SDK1: variants seen among roughly 807,000 people sequenced by gnomAD.
SDK1 encodes the protein protein sidekick-1.
In SDK1, 157 loss-of-function variants were observed where a neutral mutation model predicts 245.5. That is an observed-to-expected ratio of 0.64 (90% confidence interval 0.56 to 0.73). The LOEUF is 0.73. SDK1 is among the 30% of genes least tolerant of loss of function. The pLI is 0.00. For synonymous variants in SDK1, 1,647 were observed against 1,278.5 expected (o/e 1.29, Z -6.15); for missense variants, 3,583 against 3,002.3 (o/e 1.19, Z -4.52).
intron 1 of SDK1, among the ~76,000 whole-genome samples, chr7:3,555,150 C>G (rs1362741195): frequency 6.6e-6 from 1 of 152,042 alleles, no homozygotes; most frequent in Non-Finnish European, 1.5e-5. Flanking sequence ...AAGAACATAA[C>G]TTGAGGAGTC....
At chr7:4,037,795 C>A (rs1004126486) in intron 17 of SDK1, among the ~76,000 whole-genome samples, 41 of 152,336 alleles carry the variant, frequency 2.7e-4, no homozygotes, top group African/African-American at 8.9e-4. Flanking sequence ...TAGAGACCTT[C>A]TCTGCGAATA....
rs114416369 is a variant in SDK1, at chr7:3,793,244, A to G, written c.714-28206A>G. On this transcript the variant is annotated intron_variant, in intron 4 of 44. Transcript: ENST00000404826. ...TTCTAAATTTGAAGGCAAATTTCCA[A>G]TATTAAAAGATCCTGTCAATGATTC... is the stretch of plus-strand genomic sequence containing the variant. 5.8e-3 allele frequency among the ~76,000 whole-genome samples: 881 copies of G among 152,290 alleles called. 7 individuals are homozygous for G. Among genetic ancestry groups the G allele is most frequent in the African/African-American group, 0.02 (822 of 41,568 alleles).
intron 44 of SDK1, among the ~76,000 whole-genome samples, chr7:4,255,914 C>CTTTTTT (rs34810935): frequency 1.2e-4 from 12 of 104,090 alleles, no homozygotes; most frequent in African/African-American, 2.6e-4. Context: ...TTTCCAAATA[C>CTTTTTT]TTTTTTTTTT....
rs190139987 is a variant in SDK1 at position 3,588,292 on chromosome 7, T to G, written c.299-30788T>G. Among the ~76,000 whole-genome samples, 29 of 152,354 alleles carry G rather than the reference T, an allele frequency of 1.9e-4. No individual in the cohort carries two copies. The East Asian group carries it at 5.0e-3, about 26-fold the overall frequency. Reference sequence around the variant, plus strand: ...AACATCAGATTAATAACGTTATATTTTCAGAAGCATTTATTTTTAGTCTGC... The same window carrying G: ...AACATCAGATTAATAACGTTATATTGTCAGAAGCATTTATTTTTAGTCTGC... On this transcript the variant is annotated intron_variant, in intron 1 of 44. Coordinates refer to ENST00000404826, the MANE Select transcript of SDK1 (RefSeq NM_152744.4).
At chr7:3,429,047 C>T (rs1779755153) in intron 1 of SDK1, among the ~76,000 whole-genome samples, 2 of 152,172 alleles carry the variant, frequency 1.3e-5, no homozygotes, top group South Asian at 4.2e-4. Context: ...ATTCATCTGG[C>T]CGGCTGGTAG....
At chr7:4,209,165 G>C (rs186910044) in intron 37 of SDK1, among the ~76,000 whole-genome samples, 1 of 152,198 alleles carries the variant, frequency 6.6e-6, no homozygotes, top group Non-Finnish European at 1.5e-5. Flanking sequence ...TCCAGTGCCC[G>C]CATCTGAGCT....
intron 22 of SDK1, among the ~76,000 whole-genome samples, chr7:4,098,394 G>A (rs1054147044): frequency 2.0e-5 from 3 of 152,092 alleles, no homozygotes; most frequent in East Asian, 1.9e-4. Context: ...TCCCTGCTCC[G>A]ATTCCTTCAT....
At chr7:3,504,325 C>A (rs1043913686) in intron 1 of SDK1, among the ~76,000 whole-genome samples, 2 of 151,370 alleles carry the variant, frequency 1.3e-5, no homozygotes, top group African/African-American at 4.9e-5. Flanking sequence ...TAAAACCACA[C>A]AGTGATAATA....
In SDK1 at chr7:3,821,582, A is replaced by G; in HGVS notation, c.846A>G (p.Ala282=). Residue 282 remains alanine, a splice_region_variant and synonymous_variant, in exon 5 of 45, where the codon GCA becomes GCG. Coordinates refer to ENST00000404826, the MANE Select transcript of SDK1 (RefSeq NM_152744.4). The part of the protein sequence containing the change: ...KTSPFIHLSI[A]RDVGTPETMA... ...GCCCATTCATTCATTTGAGCATAGC[A>G]AGTGAGTTTTGAAATCCCAAATGGT... The G allele has an allele frequency of 6.2e-7, 1 of 1,612,282 alleles. No individual in the cohort carries two copies.
chr7:4,102,800 G>A (rs957903893), intron 22 of SDK1, among the ~76,000 whole-genome samples: 30 of 152,256 alleles, frequency 2.0e-4, no homozygotes, highest in African/African-American at 5.3e-4. Flanking sequence ...CTGGGGCTGC[G>A]TGGCGGGCGG....
intron 4 of SDK1, among the ~76,000 whole-genome samples, chr7:3,687,023 C>G (rs981166674): frequency 4.2e-5 from 6 of 143,338 alleles, no homozygotes; most frequent in Non-Finnish European, 7.4e-5. Flanking sequence ...GGCTTCTAGC[C>G]AGAATCTCCA....
intron 4 of SDK1, among the ~76,000 whole-genome samples, chr7:3,742,564 A>G (rs548508068): frequency 2.5e-4 from 38 of 152,302 alleles, no homozygotes; most frequent in African/African-American, 9.1e-4. Flanking sequence ...CTAGAAGTTC[A>G]AAGTCCATTT....
chr7:3,798,054 T>G (rs1406289152), intron 4 of SDK1, among the ~76,000 whole-genome samples: 1 of 152,120 alleles, frequency 6.6e-6, no homozygotes, highest in Non-Finnish European at 1.5e-5. Context: ...AAATTTTCAT[T>G]GGTACAGTAC....
At chr7:3,938,105 G>A (rs1780224008) in intron 5 of SDK1, among the ~76,000 whole-genome samples, 1 of 152,130 alleles carries the variant, frequency 6.6e-6, no homozygotes, top group Non-Finnish European at 1.5e-5. Context: ...CCAAAGTGCT[G>A]GGATTACAGG....
At chr7:3,779,312 T>A (rs1780654754) in intron 4 of SDK1, among the ~76,000 whole-genome samples, 1 of 152,142 alleles carries the variant, frequency 6.6e-6, no homozygotes, top group Non-Finnish European at 1.5e-5. Context: ...TAAATCCCCA[T>A]TCTTGAGTGG....
intron 1 of SDK1, among the ~76,000 whole-genome samples, chr7:3,388,436 T>A (rs1312665743): frequency 1.3e-5 from 2 of 152,070 alleles, no homozygotes; most frequent in Non-Finnish European, 2.9e-5. Flanking sequence ...GGTCTCATTT[T>A]GTTGCCCAGA....
intron 1 of SDK1, among the ~76,000 whole-genome samples, chr7:3,399,825 G>T (rs990995979): frequency 6.6e-6 from 1 of 152,066 alleles, no homozygotes; most frequent in Non-Finnish European, 1.5e-5. Flanking sequence ...TGGAGTTCCA[G>T]ATACCCACTG....
At chr7:4,107,275 G>C (rs149168081) in intron 22 of SDK1, among the ~76,000 whole-genome samples, 140 of 152,204 alleles carry the variant, frequency 9.2e-4, no homozygotes, top group African/African-American at 3.2e-3. Flanking sequence ...CCAGGCGTCT[G>C]TTTCCCCCTC....
intron 1 of SDK1, among the ~76,000 whole-genome samples, chr7:3,599,424 C>T (rs1781182235): frequency 6.6e-6 from 1 of 152,132 alleles, no homozygotes; most frequent in Admixed American, 6.5e-5. Flanking sequence ...CTGTGTCTGT[C>T]TTCTCATCTC....
Sources: allele counts gnomAD v4.1 joint callset (sites outside exome capture counted in the v4.1 genomes callset), GRCh38; gene constraint gnomAD v4.1.1; transcripts MANE v1.5; gene names NCBI Gene and HGNC (gene_info 2026-07-23, HGNC 2026-07-21).